Variants in PCNT observed in about 807,000 individuals in gnomAD.
PCNT encodes kendrin.
In PCNT, 319 loss-of-function variants were observed where a neutral mutation model predicts 380.4. That is an observed-to-expected ratio of 0.84 (90% CI 0.77 to 0.92). The LOEUF (loss-of-function observed/expected upper bound fraction) is 0.92, where lower values mean the gene tolerates loss of function less well. Among genes scored for constraint, PCNT ranks in the 40% least tolerant of loss-of-function variants. The probability of loss-of-function intolerance (pLI) is 0.00; values close to 1 mark genes in which losing one functional copy is unlikely to be tolerated. For missense variants in PCNT, 4,400 were observed against 4,255.3 expected, an observed-to-expected ratio of 1.03 and a Z score of -0.95; for synonymous variants, 1,845 against 1,735.2, an observed-to-expected ratio of 1.06 and a Z score of -1.57.
chr21:46,437,938 C>T (rs746908927), intron 40 of PCNT, among the ~76,000 whole-genome samples: 15 of 152,182 alleles, frequency 9.9e-5, no homozygotes, highest in Non-Finnish European at 1.6e-4. Context: ...TTAGAACAAC[C>T]AAACGGGCTA....
Position 46,430,604 on chromosome 21 carries a change from G to T in PCNT, c.8011G>T (p.Glu2671Ter). Reference sequence around the variant, plus strand: ...GCGTGCCCTGCAGAGCCAGCTGGAGGAGGAGCAGCTGCGGCACCTGCAGAG... The same window carrying T: ...GCGTGCCCTGCAGAGCCAGCTGGAGTAGGAGCAGCTGCGGCACCTGCAGAG... The part of the protein sequence containing the change: ...KGRALQSQLE[E>*]EQLRHLQRES... Residue 2671 changes from glutamate to a stop codon, truncating the protein, a stop_gained, in exon 37 of 47, where the codon GAG becomes TAG. Coordinates refer to ENST00000359568, the MANE Select transcript of PCNT (RefSeq NM_006031.6). LOFTEE classifies it high-confidence loss of function. 6.4e-7 allele frequency: 1 copy of T among 1,568,414 alleles called. No homozygotes were observed. Among genetic ancestry groups the T allele is most frequent in the Non-Finnish European group, 8.6e-7 (1 of 1,157,208 alleles).
At chr21:46,387,734 C>T (rs1170660515) in intron 17 of PCNT, among the ~76,000 whole-genome samples, 1 of 152,152 alleles carries the variant, frequency 6.6e-6, no homozygotes, top group African/African-American at 2.4e-5. Flanking sequence ...AATGAGTCCT[C>T]ATCGTCTGCT....
At chr21:46,334,944 G>A (rs897151979) in intron 3 of PCNT, among the ~76,000 whole-genome samples, 176 bp downstream of exon 3, 4 of 152,166 alleles carry the variant, frequency 2.6e-5, no homozygotes, top group African/African-American at 7.2e-5. Flanking sequence ...ACGTGCTGCC[G>A]CCTGCACGTT....
At chr21:46,330,351 T>C (rs1472208798) in intron 2 of PCNT, among the ~76,000 whole-genome samples, 1 of 152,128 alleles carries the variant, frequency 6.6e-6, no homozygotes, top group Non-Finnish European at 1.5e-5. Context: ...ACTCCTGTGC[T>C]CAAGTAATTC....
At chr21:46,437,203 A>G in intron 40 of PCNT, 122 bp downstream of exon 40, 1 of 699,124 alleles carries the variant, frequency 1.4e-6, no homozygotes, top group Non-Finnish European at 2.5e-6. Context: ...CCTTCTCTGA[A>G]TTCATGGTTG....
intron 16 of PCNT, 65 bp from the exon 17 acceptor site, chr21:46,385,767 C>T (rs967350590): frequency 2.0e-6 from 3 of 1,534,384 alleles, no homozygotes; most frequent in Non-Finnish European, 2.7e-6. Context: ...TGTTGAAAGT[C>T]CCTTACAGCC....
At chr21:46,439,560 C>T (rs575735636) in intron 41 of PCNT, among the ~76,000 whole-genome samples, 132 of 152,226 alleles carry the variant, frequency 8.7e-4, no homozygotes, top group African/African-American at 2.9e-3. Context: ...GTAAATGCCA[C>T]GTAAATAGTT....
intron 15 of PCNT, among the ~76,000 whole-genome samples, chr21:46,372,440 T>C (rs1298372045): frequency 6.6e-6 from 1 of 152,230 alleles, no homozygotes; most frequent in African/African-American, 2.4e-5. Flanking sequence ...ATTCTGCATG[T>C]TGTCCTGCAG....
At chr21:46,370,732 T>A (rs1356985938) in intron 15 of PCNT, among the ~76,000 whole-genome samples, 1 of 151,796 alleles carries the variant, frequency 6.6e-6, no homozygotes, top group Non-Finnish European at 1.5e-5. Context: ...ATAGCAAGAG[T>A]CCACTTCTAA....
At chr21:46,364,007 C>G in intron 14 of PCNT, 73 bp downstream of exon 14, 1 of 1,419,324 alleles carries the variant, frequency 7.0e-7, no homozygotes, top group South Asian at 1.1e-5. Context: ...TGGGCAGGCT[C>G]CTGGGAGGAG....
intron 23 of PCNT, 37 bp downstream of exon 23, chr21:46,398,167 T>C: frequency 6.2e-7 from 1 of 1,606,636 alleles, no homozygotes; most frequent in Non-Finnish European, 8.5e-7. Context: ...CTGGTTGCTG[T>C]CTTTCACTGT....
intron 27 of PCNT, among the ~76,000 whole-genome samples, chr21:46,409,237 A>G (rs59122923): frequency 0.19 from 25,826 of 134,980 alleles, 4,303 homozygotes; most frequent in African/African-American, 0.46. Context: ...TGCCCAGGCT[A>G]GAGTTCAGTA....
intron 3 of PCNT, among the ~76,000 whole-genome samples, chr21:46,343,878 G>A (rs943666372): frequency 2.6e-5 from 4 of 152,042 alleles, no homozygotes; most frequent in African/African-American, 9.6e-5. Context: ...TTTATCCATC[G>A]CCTCCAGGTT....
intron 3 of PCNT, among the ~76,000 whole-genome samples, chr21:46,341,150 G>T (rs7275341): frequency 0.86 from 131,065 of 152,136 alleles, 56,537 homozygotes; most frequent in Middle Eastern, 0.88. Context: ...CCCAAAGTGA[G>T]GGGGTTACAG....
At position 46,414,905 on chromosome 21, in the gene PCNT, C is replaced by T. The variant is rs1052415608; in HGVS notation, c.6151-1164C>T. Among the ~76,000 whole-genome samples, 13 of 152,122 alleles carry T rather than the reference C, an allele frequency of 8.5e-5. 1 individual carries two copies. In the East Asian group the frequency reaches 1.7e-3, roughly 20 times the overall value. On this transcript the variant is annotated intron_variant, in intron 29 of 46. Coordinates refer to ENST00000359568, the MANE Select transcript of PCNT (RefSeq NM_006031.6). ...CCACCCACCCTGCTCTTCCTCCTCCCCCTCCTCCCTGCTGTTTGCTAAATG... is the reference window on the plus strand; with the variant it reads ...CCACCCACCCTGCTCTTCCTCCTCCTCCTCCTCCCTGCTGTTTGCTAAATG...
rs1056616069 is a variant in PCNT, at chr21:46,431,998, C to T, written c.8534C>T (p.Ser2845Leu). Residue 2845 changes from serine (S) to leucine (L), a missense_variant, in exon 38 of 47, where the codon TCG becomes TTG. Coordinates refer to ENST00000359568, the MANE Select transcript of PCNT (RefSeq NM_006031.6). ...AAGGAGGTAAGTGCCACACTGAAGT[C>T]GACGGTGGAAGCCCTGCACACCCAA... Reference protein sequence around the residue: ...REKEVSATLKSTVEALHTQKR... With the variant: ...REKEVSATLKLTVEALHTQKR... 23 of 1,613,846 alleles carry T rather than the reference C, an allele frequency of 1.4e-5. No homozygotes were observed. The highest frequency in any genetic ancestry group is 4.5e-5 in the East Asian group (2 of 44,884).
rs543357826 is a variant in PCNT at position 46,402,887 on chromosome 21, T to G, written c.5115+404T>G. 3.3e-4 allele frequency among the ~76,000 whole-genome samples: 51 copies of G among 152,276 alleles called. 1 individual carries two copies. In the South Asian group the frequency reaches 0.01, roughly 30 times the overall value. ...TCCCACTGGCATGATGGGAAAAAAA[T>G]CTTAAGAACAAATTTTTTTTTAAAT... On this transcript the variant is annotated intron_variant, in intron 27 of 46. Coordinates refer to ENST00000359568, the MANE Select transcript of PCNT (RefSeq NM_006031.6).
At chr21:46,426,571 C>T (rs954531266) in intron 33 of PCNT, among the ~76,000 whole-genome samples, 1 of 152,204 alleles carries the variant, frequency 6.6e-6, no homozygotes, top group Admixed American at 6.5e-5. Flanking sequence ...GCACTTGTCC[C>T]CCAGGGCCTC....
intron 41 of PCNT, among the ~76,000 whole-genome samples, chr21:46,439,223 C>G (rs143011557): frequency 2.6e-5 from 4 of 152,086 alleles, no homozygotes; most frequent in African/African-American, 9.7e-5. Context: ...ACAGCGATGG[C>G]CCCCCCAAAA....
Sources: gnomAD v4.1 joint callset for allele counts (sites outside exome capture counted in the v4.1 genomes callset) on GRCh38, gnomAD v4.1.1 for gene constraint, MANE v1.5 for transcripts, NCBI Gene and HGNC (gene_info 2026-07-23, HGNC 2026-07-21) for gene names.